CRTAC1: variants seen among roughly 807,000 people sequenced by gnomAD.
The protein encoded by CRTAC1 is cartilage acidic protein 1, also known as acidic secreted protein in cartilage.
Under a neutral mutation model 67.8 loss-of-function variants are expected in CRTAC1, and 37 were observed. The observed-to-expected ratio is 0.55, with a 90% CI of 0.42 to 0.72. CRTAC1 has a LOEUF of 0.72. Among genes scored for constraint, CRTAC1 ranks in the 30% least tolerant of loss-of-function variants. The pLI is 0.00. For synonymous variants in CRTAC1, 348 were observed against 371.0 expected, an observed-to-expected ratio of 0.94 and a Z score of 0.71; for missense variants, 780 against 931.6, an observed-to-expected ratio of 0.84 and a Z score of 2.12.
At chr10:97,986,501 G>A (rs2051985837) in intron 2 of CRTAC1, among the ~76,000 whole-genome samples, 1 of 152,144 alleles carries the variant, frequency 6.6e-6, no homozygotes, top group Non-Finnish European at 1.5e-5. Flanking sequence ...CACTCATGCA[G>A]GATTGCGAGT....
intron 2 of CRTAC1, among the ~76,000 whole-genome samples, chr10:97,982,642 A>C (rs916333342): frequency 1.3e-5 from 2 of 152,216 alleles, no homozygotes; most frequent in Non-Finnish European, 2.9e-5. Flanking sequence ...TTGACAATTC[A>C]GATTAGGGGG....
At chr10:98,021,360 A>T (rs1843117012) in intron 1 of CRTAC1, among the ~76,000 whole-genome samples, 1 of 152,128 alleles carries the variant, frequency 6.6e-6, no homozygotes, top group Non-Finnish European at 1.5e-5. Flanking sequence ...TAGACAGGAG[A>T]CTTGGGCTTG....
chr10:97,905,104 T>TG, intron 6 of CRTAC1, among the ~76,000 whole-genome samples: 1 of 151,794 alleles, frequency 6.6e-6, no homozygotes, highest in South Asian at 2.1e-4. Flanking sequence ...GGAGGGAGAC[T>TG]GGGGGAAATT....
intron 14 of CRTAC1, 68 bp downstream of exon 14, chr10:97,880,181 C>T (rs1162718592): frequency 1.9e-6 from 3 of 1,562,458 alleles, no homozygotes; most frequent in African/African-American, 2.7e-5. Context: ...GATCTGGGGC[C>T]TACCCAGAGC....
At chr10:97,985,379 T>C (rs2051963342) in intron 2 of CRTAC1, among the ~76,000 whole-genome samples, 1 of 152,200 alleles carries the variant, frequency 6.6e-6, no homozygotes, top group Non-Finnish European at 1.5e-5. Context: ...CTTTATCTCA[T>C]AGCTCCTAAA....
chr10:98,022,514 T>C (rs952350557), intron 1 of CRTAC1, among the ~76,000 whole-genome samples: 8 of 151,988 alleles, frequency 5.3e-5, no homozygotes, highest in Admixed American at 6.6e-5. Flanking sequence ...GGATTCTAGA[T>C]GCTGGAGACC....
At chr10:97,871,200 A>G (rs1369164202) in intron 14 of CRTAC1, 1 of 152,184 alleles carries the variant, frequency 6.6e-6, no homozygotes, top group African/African-American at 2.4e-5. Context: ...AGGGCCTGTC[A>G]TTTCAGCATC....
rs997211087 is a variant in CRTAC1, at chr10:98,029,552, C to T, written c.24+897G>A. ...GGCAGCAGCAGCAATATTCATTAGT[C>T]ATTCCTGGAGGAAGCCCCCCCAGCT... On this transcript the variant is annotated intron_variant, in intron 1 of 14. Coordinates refer to ENST00000370597, the MANE Select transcript of CRTAC1 (RefSeq NM_018058.7). The surrounding 1 kb of genome is among the most constrained non-coding windows in gnomAD (Gnocchi z 4.7). Among the ~76,000 whole-genome samples, 1 of 143,386 alleles carries T rather than the reference C, an allele frequency of 7.0e-6. No individual in the cohort carries two copies. 94.1% of individuals were successfully genotyped at this position (143,386 alleles called of 152,430 possible).
rs200234272 is a variant in CRTAC1 at position 97,895,999 on chromosome 10, A to G, written c.1217-14T>C. The G allele has an allele frequency of 6.2e-7, 1 of 1,610,186 alleles. No homozygotes were observed. Among genetic ancestry groups the G allele is most frequent in the Admixed American group, 1.7e-5 (1 of 60,018 alleles). Reference sequence around the variant, plus strand: ...TCACCACACCCCCTACAAACAATGCAGATTTCACCTCTGGCCGTAATCCAG... The same window carrying G: ...TCACCACACCCCCTACAAACAATGCGGATTTCACCTCTGGCCGTAATCCAG... On this transcript the variant is annotated splice_polypyrimidine_tract_variant and intron_variant, in intron 9 of 14. Transcript: ENST00000370597. This position sits in a 1 kb window ranked among gnomAD's most constrained non-coding sequence, Gnocchi z 4.2.
intron 11 of CRTAC1, among the ~76,000 whole-genome samples, chr10:97,889,250 G>T (rs1486473770): frequency 6.6e-6 from 1 of 152,030 alleles, no homozygotes; most frequent in Admixed American, 6.6e-5. Context: ...CCGGGTTTGG[G>T]AGTGAGCTGC....
intron 2 of CRTAC1, among the ~76,000 whole-genome samples, chr10:98,009,550 G>A (rs1842867088): frequency 6.6e-6 from 1 of 152,190 alleles, no homozygotes; most frequent in Admixed American, 6.5e-5. Context: ...ACTTAGATGA[G>A]GAAAGTGGGT....
intron 1 of CRTAC1, among the ~76,000 whole-genome samples, chr10:98,017,286 A>T (rs1017800829): frequency 3.3e-5 from 5 of 152,184 alleles, no homozygotes; most frequent in Non-Finnish European, 7.3e-5. Flanking sequence ...CGGAGCAGCC[A>T]TGTGATCTCA....
intron 2 of CRTAC1, among the ~76,000 whole-genome samples, chr10:97,955,602 C>T (rs1368590111): frequency 6.6e-6 from 1 of 152,196 alleles, no homozygotes; most frequent in Non-Finnish European, 1.5e-5. Flanking sequence ...GTGCATGCCT[C>T]TACTGACCAG....
chr10:98,018,453 G>A (rs923929440), intron 1 of CRTAC1, among the ~76,000 whole-genome samples: 2 of 152,108 alleles, frequency 1.3e-5, no homozygotes, highest in African/African-American at 2.4e-5. Context: ...CAACTTGCAC[G>A]TTCCCCTTCT....
intron 2 of CRTAC1, among the ~76,000 whole-genome samples, chr10:97,954,557 C>A (rs1202546804): frequency 6.6e-6 from 1 of 152,180 alleles, no homozygotes; most frequent in Non-Finnish European, 1.5e-5. Flanking sequence ...GAGGAGGACA[C>A]CATGAATGCA....
intron 2 of CRTAC1, among the ~76,000 whole-genome samples, chr10:98,007,089 CA>C (rs1454268384): frequency 5.3e-5 from 8 of 152,162 alleles, no homozygotes; most frequent in Admixed American, 3.9e-4. Context: ...TTTATATCTT[CA>C]AAGGCAATAG....
At chr10:98,005,081 C>CATATATATAT (rs1321278482) in intron 2 of CRTAC1, among the ~76,000 whole-genome samples, 15 of 54,582 alleles carry the variant, frequency 2.7e-4, no homozygotes, top group African/African-American at 7.8e-4. Flanking sequence ...TAAAGTAATA[C>CATATATATAT]ATATATATAT....
intron 2 of CRTAC1, among the ~76,000 whole-genome samples, chr10:97,945,095 G>T (rs1397587262): frequency 6.6e-6 from 1 of 152,218 alleles, no homozygotes; most frequent in African/African-American, 2.4e-5. Context: ...TATCATCTCA[G>T]ATCTAAGGAG....
At position 97,897,000 on chromosome 10, in the gene CRTAC1, G is replaced by C. The variant is rs1305841523; in HGVS notation, c.1134-9C>G. ...GCTCTCTACGGATGACGCTGCAGGA[G>C]AGGAGACAGGCTTGCTCTGGTGGGG... On this transcript the variant is annotated splice_polypyrimidine_tract_variant and intron_variant, in intron 8 of 14. Transcript: ENST00000370597. 1 of 1,551,802 alleles carries C rather than the reference G, an allele frequency of 6.4e-7. No homozygotes were observed. The highest frequency in any genetic ancestry group is 8.7e-7 in the Non-Finnish European group (1 of 1,146,336).
Sources: allele counts gnomAD v4.1 joint callset (sites outside exome capture counted in the v4.1 genomes callset), GRCh38; gene constraint gnomAD v4.1.1; non-coding constraint Gnocchi (gnomAD v3.1); transcripts MANE v1.5; gene names NCBI Gene and HGNC (gene_info 2026-07-23, HGNC 2026-07-21).